VPS13B: variants seen among roughly 807,000 people sequenced by gnomAD.
VPS13B encodes the protein intermembrane lipid transfer protein VPS13B.
In VPS13B, 285 loss-of-function variants were observed where a neutral mutation model predicts 426.4. That is an observed-to-expected ratio of 0.67 (90% CI 0.61 to 0.74). The LOEUF is 0.74. Ranked by LOEUF, VPS13B falls within the 30% of genes least tolerant of loss-of-function variation. The probability of loss-of-function intolerance (pLI) is 0.00; values close to 1 mark genes in which losing one functional copy is unlikely to be tolerated. For missense variants in VPS13B, 4,537 were observed against 4,782.6 expected, an observed-to-expected ratio of 0.95 and a Z score of 1.51; for synonymous variants, 1,676 against 1,676.4, an observed-to-expected ratio of 1.00 and a Z score of 0.01.
In VPS13B at chr8:99,381,234, C is replaced by G. The variant is rs553554952; in HGVS notation, c.2825-2974C>G. On this transcript the variant is annotated intron_variant, in intron 19 of 61. Transcript: ENST00000357162. Reference sequence around the variant, plus strand: ...TCCATGTTCCTGCAAAGGACATGATCTTGTTCTTTTTTATGGCTGCATAGT... The same window carrying G: ...TCCATGTTCCTGCAAAGGACATGATGTTGTTCTTTTTTATGGCTGCATAGT... Among the ~76,000 whole-genome samples, 13 of 152,262 alleles carry G rather than the reference C, an allele frequency of 8.5e-5. No homozygotes were observed. The South Asian group carries it at 2.7e-3, about 32-fold the overall frequency.
At position 99,824,123 on chromosome 8, in the gene VPS13B, C is replaced by G. The variant is rs1814532830; in HGVS notation, c.9330+145C>G. 2.9e-6 allele frequency: 3 copies of G among 1,042,024 alleles called. No individual in the cohort carries two copies. In the South Asian group the frequency reaches 4.4e-5, roughly 15 times the overall value. 64.5% of individuals were successfully genotyped at this position (1,042,024 alleles called of 1,614,324 possible). On this transcript the variant is annotated intron_variant, in intron 51 of 61. Coordinates refer to ENST00000357162, the MANE Select transcript of VPS13B (RefSeq NM_152564.5). ...TCACTTATTTTTGTTGTAATTAAAA[C>G]CATGAATGTCATGGTCACTGCTTCC... is the stretch of plus-strand genomic sequence containing the variant.
At chr8:99,345,614 A>G (rs1375624304) in intron 19 of VPS13B, among the ~76,000 whole-genome samples, 2 of 152,052 alleles carry the variant, frequency 1.3e-5, no homozygotes, top group Admixed American at 6.6e-5. Context: ...TGTCTGTGCT[A>G]TTTTTTTATG....
intron 54 of VPS13B, among the ~76,000 whole-genome samples, chr8:99,844,493 G>A (rs908175351): frequency 8.6e-5 from 13 of 151,200 alleles, no homozygotes; most frequent in Non-Finnish European, 7.4e-5. Context: ...TCAGCCTCCC[G>A]AGTAGCTGGG....
In VPS13B at chr8:99,870,855, C is replaced by G. The variant is rs766279618; in HGVS notation, c.11463C>G (p.Asp3821Glu). Residue 3821 changes from aspartate (D) to glutamate (E), a missense_variant, in exon 60 of 62, where the codon GAC becomes GAG. Coordinates refer to ENST00000357162, the MANE Select transcript of VPS13B (RefSeq NM_152564.5). ...QRHQPSDLHA[D>E]QAPNSHVKYV... ...ATCAGCCAAGTGATCTACATGCTGA[C>G]CAGGCTCCAAACAGCCATGTCAAAT... 7 of 1,614,090 alleles carry G rather than the reference C, an allele frequency of 4.3e-6. No individual in the cohort carries two copies. The African/African-American group carries it at 5.3e-5, about 12-fold the overall frequency.
At chr8:99,807,706 C>T (rs543633237) in intron 43 of VPS13B, among the ~76,000 whole-genome samples, 22 of 143,676 alleles carry the variant, frequency 1.5e-4, no homozygotes, top group African/African-American at 4.4e-4. Flanking sequence ...TGTGTGTGTA[C>T]GCACACGTGT....
chr8:99,587,764 T>C (rs1826382182), intron 33 of VPS13B, among the ~76,000 whole-genome samples: 1 of 151,828 alleles, frequency 6.6e-6, no homozygotes, highest in Non-Finnish European at 1.5e-5. Context: ...TCTCCCATTC[T>C]GTAGGTTGCC....
intron 33 of VPS13B, among the ~76,000 whole-genome samples, chr8:99,620,809 TAA>T (rs769886969): frequency 2.1e-5 from 3 of 142,682 alleles, no homozygotes; most frequent in Non-Finnish European, 3.1e-5. Context: ...CTGTCTCTAC[TAA>T]AAAAAAAAAA....
At chr8:99,430,879 T>C (rs1817068136) in intron 21 of VPS13B, among the ~76,000 whole-genome samples, 1 of 152,050 alleles carries the variant, frequency 6.6e-6, no homozygotes, top group Non-Finnish European at 1.5e-5. Context: ...CCACCATGTC[T>C]GGCTACTTTT....
chr8:99,868,528 G>A (rs2130963582), intron 59 of VPS13B, 63 bp downstream of exon 59: 2 of 1,550,980 alleles, frequency 1.3e-6, no homozygotes, highest in East Asian at 4.8e-5. Flanking sequence ...CTTATACCAA[G>A]GGTTCCCTAA....
At chr8:99,599,352 GT>G (rs1827175905) in intron 33 of VPS13B, among the ~76,000 whole-genome samples, 1 of 151,898 alleles carries the variant, frequency 6.6e-6, no homozygotes, top group African/African-American at 2.4e-5. Flanking sequence ...TTGAATAATT[GT>G]TTTTTCCTCA....
At chr8:99,855,821 G>C (rs942983805) in intron 56 of VPS13B, among the ~76,000 whole-genome samples, 2 of 152,170 alleles carry the variant, frequency 1.3e-5, no homozygotes, top group Non-Finnish European at 2.9e-5. Flanking sequence ...TGTCTTGATA[G>C]CTTGCACAAC....
At chr8:99,555,244 A>G (rs1250938339) in intron 30 of VPS13B, among the ~76,000 whole-genome samples, 3 of 152,078 alleles carry the variant, frequency 2.0e-5, no homozygotes, top group African/African-American at 7.2e-5. Context: ...GCAGTCATTC[A>G]CTGTCCATTA....
In VPS13B at chr8:99,156,793, T is replaced by C. The variant is rs1246898355; in HGVS notation, c.2208+50T>C. The stretch of plus-strand genomic sequence containing the variant: ...TGTTAGCATGGGTTTGGCTTTGGGA[T>C]CATCAGATAAGTTTCTTTTTTCTTG... On this transcript the variant is annotated intron_variant, in intron 15 of 61. Transcript: ENST00000357162. The C allele has an allele frequency of 6.9e-6, 11 of 1,587,130 alleles. No homozygotes were observed. The Middle Eastern group carries it at 1.0e-3, about 144-fold the overall frequency.
At chr8:99,855,341 C>A (rs141257736) in intron 56 of VPS13B, among the ~76,000 whole-genome samples, 350 of 152,280 alleles carry the variant, frequency 2.3e-3, no homozygotes, top group African/African-American at 8.1e-3. Flanking sequence ...ATGATCACAT[C>A]ACTACACTCC....
At chr8:99,318,536 T>C (rs1171264645) in intron 19 of VPS13B, among the ~76,000 whole-genome samples, 1 of 152,166 alleles carries the variant, frequency 6.6e-6, no homozygotes, top group Non-Finnish European at 1.5e-5. Context: ...TTTTTTATTT[T>C]TGGGATGGAG....
At chr8:99,515,259 A>C (rs1386225653) in intron 29 of VPS13B, among the ~76,000 whole-genome samples, 2 of 152,220 alleles carry the variant, frequency 1.3e-5, no homozygotes, top group East Asian at 3.9e-4. Context: ...ACTACATATC[A>C]CACAGTTTTA....
At chr8:99,177,952 T>C (rs1812725678) in intron 16 of VPS13B, among the ~76,000 whole-genome samples, 1 of 152,188 alleles carries the variant, frequency 6.6e-6, no homozygotes, top group South Asian at 2.1e-4. Context: ...AATGTATCTT[T>C]CTTTCATTAT....
At chr8:99,134,587 C>A in intron 8 of VPS13B, 45 bp from the exon 9 acceptor site, 1 of 1,437,752 alleles carries the variant, frequency 7.0e-7, no homozygotes, top group South Asian at 1.2e-5. Flanking sequence ...ATTTATTGCT[C>A]TTTAATACTA....
chr8:99,271,195 A>AACAACT (rs1401978837), intron 17 of VPS13B, among the ~76,000 whole-genome samples: 3 of 145,288 alleles, frequency 2.1e-5, no homozygotes, highest in Middle Eastern at 3.6e-3. Context: ...TGCTACCACT[A>AACAACT]ACTACTACTA....
Sources: allele counts gnomAD v4.1 joint callset (sites outside exome capture counted in the v4.1 genomes callset), GRCh38; gene constraint gnomAD v4.1.1; transcripts MANE v1.5; gene names NCBI Gene and HGNC (gene_info 2026-07-23, HGNC 2026-07-21).